The following TAB1 variants were observed in gnomAD, a reference collection of about 807,000 sequenced individuals.
The protein encoded by TAB1 is TGF-beta-activated kinase 1 and MAP3K7-binding protein 1.
A neutral mutation model predicts 54.5 loss-of-function variants in TAB1; 30 were observed. That is an observed-to-expected ratio of 0.55 (90% CI 0.41 to 0.75). The LOEUF (loss-of-function observed/expected upper bound fraction) is 0.75, where lower values mean the gene tolerates loss of function less well. TAB1 is among the 30% of genes least tolerant of loss of function. The pLI, the probability that TAB1 is intolerant of heterozygous loss-of-function variation, is 0.00. For missense variants in TAB1, 609 were observed against 683.2 expected (o/e 0.89, Z 1.21); for synonymous variants, 289 against 286.9 (o/e 1.01, Z -0.07).
chr22:39,428,488 G>A (rs1927446408), intron 10 of TAB1, among the ~76,000 whole-genome samples: 1 of 152,228 alleles, frequency 6.6e-6, no homozygotes, highest in Non-Finnish European at 1.5e-5. Flanking sequence ...GGCTTCCTGT[G>A]GTGTCCTTGC....
intron 1 of TAB1, 100 bp downstream of exon 1, chr22:39,399,935 C>T: frequency 7.6e-7 from 1 of 1,313,928 alleles, no homozygotes; most frequent in Non-Finnish European, 1.1e-6. Context: ...GACAGCCACC[C>T]TCTCCGTGGT....
intron 5 of TAB1, among the ~76,000 whole-genome samples, chr22:39,418,050 T>C (rs970224867): frequency 1.3e-5 from 2 of 152,216 alleles, no homozygotes; most frequent in Admixed American, 1.3e-4. Context: ...GAGACAGGTG[T>C]CCTGGCCTTT....
At chr22:39,408,749 C>T (rs1299355256) in intron 1 of TAB1, among the ~76,000 whole-genome samples, 4 of 152,206 alleles carry the variant, frequency 2.6e-5, no homozygotes, top group Non-Finnish European at 2.9e-5. Flanking sequence ...GATCCACCCA[C>T]CTCGGCCTCC....
rs1260491532 is a variant in TAB1 at position 39,431,093 on chromosome 22, G to T, written c.*871G>T. ...TCTTTACCACTGATGAGGGGCCTCTGCCGGCTGAGGGTAGCAAGCAGGGGT... is the reference window on the plus strand; with the variant it reads ...TCTTTACCACTGATGAGGGGCCTCTTCCGGCTGAGGGTAGCAAGCAGGGGT... On this transcript the variant is annotated 3_prime_UTR_variant, in exon 11 of 11. Transcript: ENST00000216160. 1.0e-6 allele frequency: 1 copy of T among 985,590 alleles called. No individual in the cohort carries two copies. Among genetic ancestry groups the T allele is most frequent in the Non-Finnish European group, 1.2e-6 (1 of 830,122 alleles). 61.1% of individuals were successfully genotyped at this position (985,590 alleles called of 1,614,324 possible).
chr22:39,434,685 T>A (rs1247262028), downstream of TAB1, among the ~76,000 whole-genome samples: 3 of 152,216 alleles, frequency 2.0e-5, no homozygotes, highest in African/African-American at 7.2e-5. Context: ...CAGACTCCAT[T>A]CCTACCTTCA....
rs1384221217 is a variant in TAB1, at chr22:39,430,660, C to A, written c.*438C>A. ...ACCTCCCTCACCTCGGGACAGTAGC[C>A]CTCCACTTCTCCAGCCTCTCAGCCC... On this transcript the variant is annotated 3_prime_UTR_variant, in exon 11 of 11. Coordinates refer to ENST00000216160, the MANE Select transcript of TAB1 (RefSeq NM_006116.3). 5 of 1,067,432 alleles carry A rather than the reference C, an allele frequency of 4.7e-6. No homozygotes were observed. Among genetic ancestry groups the A allele is most frequent in the East Asian group, 6.9e-5 (1 of 14,576 alleles). The allele number at this position is 1,067,432 out of a possible 1,614,324, so 66.1% of individuals were successfully genotyped here.
chr22:39,421,656 G>A (rs1569199703), intron 7 of TAB1, 171 bp from the exon 8 acceptor site: 1 of 716,998 alleles, frequency 1.4e-6, no homozygotes, highest in Non-Finnish European at 2.2e-6. Context: ...AGCAGCTGCT[G>A]TAAGACGATG....
At chr22:39,433,549 G>A (rs1222265413), downstream of TAB1, 4 of 985,270 alleles carry the variant, frequency 4.1e-6, no homozygotes, top group East Asian at 1.1e-4. Context: ...GTCCCAGGAC[G>A]GGGGCAGGTG....
At position 39,412,011 on chromosome 22, in the gene TAB1, ATGTGACATTG is replaced by A. The variant is rs567537494; in HGVS notation, c.34-2983_34-2974del. On this transcript the variant is annotated intron_variant, in intron 1 of 10. Transcript: ENST00000216160. ...TCATGTTTACTGCATCATTTCATTT[ATGTGACATTG>A]TGTGACATTGTTTTGTTTTGTTTTG... 2.8e-4 allele frequency among the ~76,000 whole-genome samples: 42 copies of A among 152,196 alleles called. No homozygotes were observed. The South Asian group carries it at 7.3e-3, about 26-fold the overall frequency.
intron 9 of TAB1, among the ~76,000 whole-genome samples, chr22:39,427,634 C>T (rs1568987142): frequency 6.6e-6 from 1 of 152,198 alleles, no homozygotes; most frequent in African/African-American, 2.4e-5. Context: ...CCATGGACAC[C>T]AGGGTTATTG....
At chr22:39,400,043 C>T (rs1238581622) in intron 1 of TAB1, among the ~76,000 whole-genome samples, 2 of 152,130 alleles carry the variant, frequency 1.3e-5, no homozygotes, top group African/African-American at 4.8e-5. Context: ...GGGTCAAGGG[C>T]GCCGGGGCTG....
intron 10 of TAB1, chr22:39,429,435 C>A: frequency 1.1e-6 from 1 of 892,020 alleles, no homozygotes; most frequent in Non-Finnish European, 1.3e-6. Flanking sequence ...CACGGCGTCT[C>A]TAGCCACTTG....
chr22:39,421,255 C>T (rs894218956), intron 7 of TAB1, among the ~76,000 whole-genome samples: 1 of 152,070 alleles, frequency 6.6e-6, no homozygotes, highest in Non-Finnish European at 1.5e-5. Context: ...GTGTAATAAC[C>T]GCTCCCAGGG....
chr22:39,401,812 A>T (rs12160415), intron 1 of TAB1, among the ~76,000 whole-genome samples: 1,664 of 152,258 alleles, frequency 0.011, 32 homozygotes, highest in African/African-American at 0.038. Flanking sequence ...CACAGGTTGT[A>T]TGGATGTCCA....
At chr22:39,409,986 A>T (rs995380788) in intron 1 of TAB1, among the ~76,000 whole-genome samples, 1 of 152,236 alleles carries the variant, frequency 6.6e-6, no homozygotes, top group Non-Finnish European at 1.5e-5. Flanking sequence ...GTAATCACAT[A>T]ATATCATATG....
downstream of TAB1, among the ~76,000 whole-genome samples, chr22:39,434,076 G>A (rs956085225): frequency 2.0e-5 from 3 of 152,234 alleles, no homozygotes; most frequent in Admixed American, 1.3e-4. Flanking sequence ...GGGAATGGCC[G>A]TGTGACCTTG....
chr22:39,435,137 C>T (rs1168533358), downstream of TAB1, among the ~76,000 whole-genome samples: 2 of 152,164 alleles, frequency 1.3e-5, no homozygotes, highest in African/African-American at 2.4e-5. Context: ...CCCTAGGACC[C>T]CCCGAGTTTT....
Position 39,415,080 on chromosome 22 carries a change from C to G in TAB1, c.108C>G (p.Ser36Arg), listed in dbSNP as rs1323946202. The change falls in exon 2 of 11, where the codon AGC becomes AGG. Residue 36 changes from serine (S) to arginine (R), a missense_variant. Ser to Arg is a moderately radical substitution (Grantham distance 110). Transcript: ENST00000216160. This position sits in a 1 kb window ranked among gnomAD's most constrained non-coding sequence, Gnocchi z 4.9. The stretch of plus-strand genomic sequence containing the variant: ...GGGTTGGCTCAGCCTCCAACCGCAG[C>G]TACTCTGCTGATGGCAAGGGCACTG... ...LSGVGSASNRSYSADGKGTES... is the reference protein window; with the variant it reads ...LSGVGSASNRRYSADGKGTES... 13 of 1,613,448 alleles carry G rather than the reference C, an allele frequency of 8.1e-6. No homozygotes were observed. The highest frequency in any genetic ancestry group is 1.1e-5 in the Non-Finnish European group (13 of 1,179,602).
chr22:39,405,430 G>A (rs1212718922), intron 1 of TAB1, among the ~76,000 whole-genome samples: 1 of 152,272 alleles, frequency 6.6e-6, no homozygotes, highest in Non-Finnish European at 1.5e-5. Flanking sequence ...ACATGGAAGA[G>A]TTAAGTCCTG....
Sources: gnomAD v4.1 joint callset for allele counts (sites outside exome capture counted in the v4.1 genomes callset) on GRCh38, gnomAD v4.1.1 for gene constraint, Gnocchi (gnomAD v3.1) non-coding constraint, MANE v1.5 for transcripts, NCBI Gene and HGNC (gene_info 2026-07-23, HGNC 2026-07-21) for gene names.